BNC2: variants seen among roughly 807,000 people sequenced by gnomAD.
The protein encoded by BNC2 is zinc finger protein basonuclin-2.
In BNC2, 20 loss-of-function variants were observed where a neutral mutation model predicts 76.3. That is an observed-to-expected ratio of 0.26 (90% CI 0.18 to 0.38). The LOEUF is 0.38. Ranked by LOEUF, BNC2 falls within the 10% of genes least tolerant of loss-of-function variation. The pLI, the probability that BNC2 is intolerant of heterozygous loss-of-function variation, is 1.00. For missense variants in BNC2, 1,382 were observed against 1,399.8 expected, an observed-to-expected ratio of 0.99 and a Z score of 0.20; for synonymous variants, 582 against 514.8, an observed-to-expected ratio of 1.13 and a Z score of -1.77.
intron 3 of BNC2, among the ~76,000 whole-genome samples, chr9:16,691,450 T>C (rs1380246051): frequency 6.6e-6 from 1 of 151,778 alleles, no homozygotes; most frequent in Non-Finnish European, 1.5e-5. Context: ...GTTTTAGCAT[T>C]GGAGAAAATG....
At chr9:16,479,440 G>A (rs1217773075) in intron 5 of BNC2, among the ~76,000 whole-genome samples, 1 of 152,144 alleles carries the variant, frequency 6.6e-6, no homozygotes, top group South Asian at 2.1e-4. Context: ...GTTTCAAAAA[G>A]GTTCATTTTC....
chr9:16,571,361 A>C (rs1186844454), intron 4 of BNC2, among the ~76,000 whole-genome samples: 1 of 152,214 alleles, frequency 6.6e-6, no homozygotes, highest in African/African-American at 2.4e-5. Flanking sequence ...TATATGATTC[A>C]TTCACATATA....
chr9:16,649,507 C>A (rs952067934), intron 3 of BNC2, among the ~76,000 whole-genome samples: 1 of 152,086 alleles, frequency 6.6e-6, no homozygotes, highest in Non-Finnish European at 1.5e-5. Context: ...CAAGAGCTTA[C>A]AATTAGAGAC....
chr9:16,470,813 G>A (rs575250987), intron 5 of BNC2, among the ~76,000 whole-genome samples: 112 of 152,348 alleles, frequency 7.4e-4, no homozygotes, highest in East Asian at 1.2e-3. Flanking sequence ...CTGCAGGGGC[G>A]GGGCCCTCAT....
At chr9:16,730,407 T>C (rs138595932) in intron 2 of BNC2, among the ~76,000 whole-genome samples, 2 of 152,178 alleles carry the variant, frequency 1.3e-5, no homozygotes, top group Non-Finnish European at 2.9e-5. Context: ...AAGGGCTAAT[T>C]TGGAGACCCT....
At chr9:16,514,080 A>C (rs1419913736) in intron 5 of BNC2, among the ~76,000 whole-genome samples, 1 of 152,176 alleles carries the variant, frequency 6.6e-6, no homozygotes, top group East Asian at 1.9e-4. Context: ...GCAGGATGTC[A>C]CAGTTTTCCA....
intron 1 of BNC2, among the ~76,000 whole-genome samples, chr9:16,850,362 C>G (rs71513268): frequency 0.027 from 4,098 of 152,202 alleles, 103 homozygotes; most frequent in Admixed American, 0.069. Context: ...AATATGATAC[C>G]AATTCTTATA....
At chr9:16,628,936 AT>A (rs1423557279) in intron 3 of BNC2, among the ~76,000 whole-genome samples, 1 of 152,176 alleles carries the variant, frequency 6.6e-6, no homozygotes, top group Non-Finnish European at 1.5e-5. Flanking sequence ...AGTAATTAAA[AT>A]TTTTTTAATG....
Position 16,727,831 on chromosome 9 carries a change from G to C in BNC2, c.296C>G (p.Ala99Gly), listed in dbSNP as rs904959500. Reference sequence around the variant, plus strand: ...CATTCTGAATAAGAGGTTAGTATCAGCGTTTTGCCATGTCCCCATGAACCC... The same window carrying C: ...CATTCTGAATAAGAGGTTAGTATCACCGTTTTGCCATGTCCCCATGAACCC... The part of the protein sequence containing the change: ...EPGFMGTWQN[A>G]DTNLLFRMSQ... The change falls in exon 3 of 7, where the codon GCT becomes GGT. Residue 99 changes from alanine to glycine, a missense_variant. By Grantham distance (60) the Ala-to-Gly change is moderately conservative. Around this residue, in one of 3 missense-constraint regions of BNC2, gnomAD observed 557 missense variants for 540.9 expected, o/e 1.03. Transcript: ENST00000380672. The C allele has an allele frequency of 6.8e-6, 11 of 1,614,052 alleles. No homozygotes were observed. Among genetic ancestry groups the C allele is most frequent in the Admixed American group, 3.3e-5 (2 of 59,994 alleles).
intron 3 of BNC2, among the ~76,000 whole-genome samples, chr9:16,629,270 CT>C (rs1268937762): frequency 1.3e-5 from 2 of 152,136 alleles, no homozygotes; most frequent in Non-Finnish European, 2.9e-5. Context: ...AACATCACAT[CT>C]TTTTATTTAC....
intron 5 of BNC2, among the ~76,000 whole-genome samples, chr9:16,476,619 T>C (rs1821934120): frequency 6.6e-6 from 1 of 151,580 alleles, no homozygotes; most frequent in African/African-American, 2.4e-5. Context: ...CCCCCTAGTC[T>C]GTAAGCTCCA....
In BNC2 at chr9:16,533,222, G is replaced by T. The variant is rs181928118; in HGVS notation, c.669+19308C>A. On this transcript the variant is annotated intron_variant, in intron 5 of 6. Transcript: ENST00000380672. Reference sequence around the variant, plus strand: ...TGATTTCTGGATATGAAAAACATTAGATATGACAAATGAAATATATGGTTT... The same window carrying T: ...TGATTTCTGGATATGAAAAACATTATATATGACAAATGAAATATATGGTTT... Among the ~76,000 whole-genome samples the T allele has an allele frequency of 2.0e-5, 3 of 152,224 alleles. No homozygotes were observed. In the East Asian group the frequency reaches 5.8e-4, roughly 29 times the overall value.
chr9:16,712,941 T>C (rs1009895574), intron 3 of BNC2, among the ~76,000 whole-genome samples: 1 of 152,284 alleles, frequency 6.6e-6, no homozygotes, highest in South Asian at 2.1e-4. Context: ...GTTTATTAAC[T>C]GAGGTAGGAA....
At chr9:16,619,798 A>G (rs1393839951) in intron 3 of BNC2, among the ~76,000 whole-genome samples, 1 of 152,218 alleles carries the variant, frequency 6.6e-6, no homozygotes, top group Non-Finnish European at 1.5e-5. Flanking sequence ...AGGGCACTGT[A>G]TAGATCACTG....
chr9:16,697,306 C>A (rs1454726606), intron 3 of BNC2, among the ~76,000 whole-genome samples: 2 of 151,978 alleles, frequency 1.3e-5, no homozygotes, highest in African/African-American at 2.4e-5. Flanking sequence ...GATTGCGCCA[C>A]TGAACTCCAA....
At chr9:16,646,524 T>C (rs918893983) in intron 3 of BNC2, among the ~76,000 whole-genome samples, 1 of 152,170 alleles carries the variant, frequency 6.6e-6, no homozygotes, top group Non-Finnish European at 1.5e-5. Flanking sequence ...CCAATTTATA[T>C]AAAGTTCTTG....
rs773133874 is a variant in BNC2 at position 16,419,051 on chromosome 9, G to T, written c.3238C>A (p.Arg1080=). 1.2e-6 allele frequency: 2 copies of T among 1,614,116 alleles called. No homozygotes were observed. Among genetic ancestry groups the T allele is most frequent in the Non-Finnish European group, 1.7e-6 (2 of 1,180,024 alleles). The change falls in exon 7 of 7, where the codon CGA becomes AGA. Residue 1080 remains arginine (R), a synonymous_variant. Transcript: ENST00000380672. ...TTAGGGTTCTGACTGTGCCGATTTC[G>T]GCTTCGTACAGAGGAAAACATCATA... The part of the protein sequence containing the change: ...CNMMFSSVRS[R]NRHSQNPNLH...
intron 1 of BNC2, among the ~76,000 whole-genome samples, chr9:16,777,297 G>C (rs937753955): frequency 1.1e-4 from 17 of 152,106 alleles, no homozygotes; most frequent in African/African-American, 3.4e-4. Flanking sequence ...GCAAAAAGGA[G>C]AACAGGGACA....
At chr9:16,741,383 G>A (rs1824845987) in intron 1 of BNC2, among the ~76,000 whole-genome samples, 1 of 151,888 alleles carries the variant, frequency 6.6e-6, no homozygotes, top group South Asian at 2.1e-4. Flanking sequence ...AACCTGGGAG[G>A]TGGAGGTTGC....
Sources: allele counts gnomAD v4.1 joint callset (sites outside exome capture counted in the v4.1 genomes callset), GRCh38; gene constraint gnomAD v4.1.1; regional missense constraint gnomAD v4.1.1; transcripts MANE v1.5; gene names NCBI Gene and HGNC (gene_info 2026-07-23, HGNC 2026-07-21).